The following CLNK variants were observed in gnomAD, a reference collection of about 807,000 sequenced individuals.
The protein encoded by CLNK is cytokine dependent hematopoietic cell linker, also known as cytokine-dependent hematopoietic cell linker.
In CLNK, 74 loss-of-function variants were observed where a neutral mutation model predicts 68.6. The ratio of observed to expected loss-of-function variants is 1.08; its 90% confidence interval spans 0.89 to 1.31. The LOEUF is 1.31. Among genes scored for constraint, CLNK ranks in the 50% most tolerant of loss-of-function variants. The pLI is 0.00. For synonymous variants in CLNK, 198 were observed against 172.2 expected (o/e 1.15, Z -1.17); for missense variants, 553 against 515.3 (o/e 1.07, Z -0.71).
At chr4:10,618,815 T>C (rs1205776345) in intron 2 of CLNK, among the ~76,000 whole-genome samples, 2 of 152,216 alleles carry the variant, frequency 1.3e-5, no homozygotes, top group East Asian at 1.9e-4. Context: ...GGTTATGTTA[T>C]GAGAACAGCA....
At chr4:10,711,281 G>A in the CLNK span, among the ~76,000 whole-genome samples, 1,542 of 152,138 alleles carry the variant, frequency 0.01, 35 homozygotes, top group African/African-American at 0.035. Flanking sequence ...TGGAGTACAG[G>A]GCCTGGTGTC....
chr4:10,506,829 T>C (rs1717314161), intron 17 of CLNK, among the ~76,000 whole-genome samples: 1 of 152,138 alleles, frequency 6.6e-6, no homozygotes, highest in Admixed American at 6.5e-5. Context: ...AGAAAGAGTC[T>C]CGCTCTGTCG....
Position 10,535,392 on chromosome 4 carries a change from A to G in CLNK, c.603-3109T>C, listed in dbSNP as rs10461100. Among the ~76,000 whole-genome samples, 337 of 152,312 alleles carry G rather than the reference A, an allele frequency of 2.2e-3. 11 individuals carry two copies. The East Asian group carries it at 0.048, about 22-fold the overall frequency. On this transcript the variant is annotated intron_variant, in intron 11 of 18. Transcript: ENST00000226951. Reference sequence around the variant, plus strand: ...GAGTGTACTGAAGCTTAAAGGACATATGGGACAATGAACCCTCGATTTCTT... The same window carrying G: ...GAGTGTACTGAAGCTTAAAGGACATGTGGGACAATGAACCCTCGATTTCTT...
chr4:10,660,312 T>C (rs1317355590), intron 2 of CLNK, among the ~76,000 whole-genome samples: 1 of 152,216 alleles, frequency 6.6e-6, no homozygotes, highest in Admixed American at 6.5e-5. Flanking sequence ...GATTGAAAGA[T>C]TGCATAGCTA....
chr4:10,716,961 T>C, the CLNK span, among the ~76,000 whole-genome samples: 2 of 151,742 alleles, frequency 1.3e-5, no homozygotes, highest in Non-Finnish European at 2.9e-5. Context: ...CCCAAAGTGC[T>C]GGAGTTACAG....
intron 2 of CLNK, among the ~76,000 whole-genome samples, chr4:10,661,383 T>G (rs897457591): frequency 2.0e-5 from 3 of 152,202 alleles, no homozygotes; most frequent in African/African-American, 7.2e-5. Context: ...AGTCATTCAC[T>G]CAGGTGATGT....
chr4:10,523,211 T>G (rs188345311), intron 14 of CLNK, among the ~76,000 whole-genome samples: 1 of 152,222 alleles, frequency 6.6e-6, no homozygotes, highest in East Asian at 1.9e-4. Flanking sequence ...TTACTGAGTT[T>G]ACCGGGATGA....
rs1159081657 is a variant in CLNK at position 10,500,789 on chromosome 4, C to T, written c.1140+467G>A. ...GAATATTTTAATTGATTCACTCTTT[C>T]GCCTCCATCAGCAGATCTGTACTGA... On this transcript the variant is annotated intron_variant, in intron 18 of 18. Coordinates refer to ENST00000226951, the MANE Select transcript of CLNK (RefSeq NM_052964.4). Among the ~76,000 whole-genome samples the T allele has an allele frequency of 3.3e-5, 5 of 152,226 alleles. No individual in the cohort carries two copies. The East Asian group carries it at 7.7e-4, about 24-fold the overall frequency.
chr4:10,696,688 C>T, the CLNK span, among the ~76,000 whole-genome samples: 4 of 152,312 alleles, frequency 2.6e-5, no homozygotes, highest in African/African-American at 4.8e-5. Context: ...AAAGTCTTCT[C>T]CTCCTGTTGG....
the CLNK span, among the ~76,000 whole-genome samples, chr4:10,713,277 A>T: frequency 6.6e-6 from 1 of 152,172 alleles, no homozygotes; most frequent in Non-Finnish European, 1.5e-5. Flanking sequence ...ACTGGATTGG[A>T]TGGGGGAGAT....
intron 8 of CLNK, among the ~76,000 whole-genome samples, chr4:10,542,638 A>ATGTG (rs142413547): frequency 5.4e-5 from 8 of 147,648 alleles, no homozygotes; most frequent in African/African-American, 7.6e-5. Context: ...GCATGTGTAT[A>ATGTG]TGTGTGTGTG....
chr4:10,717,222 A>G, the CLNK span, among the ~76,000 whole-genome samples: 64,245 of 151,984 alleles, frequency 0.42, 14,587 homozygotes, highest in East Asian at 0.58. Context: ...AAGACCATGT[A>G]GGATACCTAG....
At chr4:10,566,238 G>T in intron 5 of CLNK, 88 bp from the exon 6 acceptor site, 1 of 1,274,158 alleles carries the variant, frequency 7.8e-7, no homozygotes, top group Non-Finnish European at 1.1e-6. Context: ...AAATGGGGTA[G>T]ACCTTCTTAG....
intron 3 of CLNK, among the ~76,000 whole-genome samples, chr4:10,590,996 G>A (rs1721159826): frequency 6.6e-6 from 1 of 152,168 alleles, no homozygotes; most frequent in Non-Finnish European, 1.5e-5. Flanking sequence ...TCTTGGGAGT[G>A]CCACCGAGTC....
chr4:10,716,205 T>C, the CLNK span, among the ~76,000 whole-genome samples: 1 of 152,212 alleles, frequency 6.6e-6, no homozygotes, highest in Admixed American at 6.5e-5. Flanking sequence ...TTTGTATGAC[T>C]TTTTTCTTTT....
At chr4:10,681,447 C>A (rs181923304) in intron 1 of CLNK, among the ~76,000 whole-genome samples, 49 of 152,246 alleles carry the variant, frequency 3.2e-4, no homozygotes, top group Non-Finnish European at 6.0e-4. Context: ...ACAGAACCTA[C>A]CACTGTTAAA....
Position 10,598,043 on chromosome 4 carries a change from A to G in CLNK, c.18T>C (p.Asn6=). The change falls in exon 3 of 19, where the codon AAT becomes AAC. Residue 6 remains asparagine (N), a synonymous_variant. Transcript: ENST00000226951. ...TGGATCCTTCTTTAGTTGTCTTTCTATTGCCCCTGGGATGAAAGAAAATAA... is the reference window on the plus strand; with the variant it reads ...TGGATCCTTCTTTAGTTGTCTTTCTGTTGCCCCTGGGATGAAAGAAAATAA... The part of the protein sequence containing the change: MNRQG[N]RKTTKEGSND... The G allele has an allele frequency of 1.9e-6, 3 of 1,581,882 alleles. No individual in the cohort carries two copies. Among genetic ancestry groups the G allele is most frequent in the South Asian group, 1.2e-5 (1 of 86,642 alleles).
chr4:10,533,953 C>A (rs1314265106), intron 11 of CLNK, among the ~76,000 whole-genome samples: 4 of 152,124 alleles, frequency 2.6e-5, no homozygotes, highest in Non-Finnish European at 5.9e-5. Flanking sequence ...ACCCTGTCAA[C>A]ATTAGAAGTA....
chr4:10,655,449 A>C (rs1301186166), intron 2 of CLNK, among the ~76,000 whole-genome samples: 1 of 151,812 alleles, frequency 6.6e-6, no homozygotes, highest in Non-Finnish European at 1.5e-5. Context: ...GTCCTGCTGA[A>C]GTGCTAGCTG....
Sources: allele counts gnomAD v4.1 joint callset (sites outside exome capture counted in the v4.1 genomes callset), GRCh38; gene constraint gnomAD v4.1.1; transcripts MANE v1.5; gene names NCBI Gene and HGNC (gene_info 2026-07-23, HGNC 2026-07-21).